PIGU: variants seen among roughly 807,000 people sequenced by gnomAD.
The protein encoded by PIGU is GPI-anchor transamidase component PIGU.
Under a neutral mutation model 49.9 loss-of-function variants are expected in PIGU, and 24 were observed. That is an observed-to-expected ratio of 0.48 (90% CI 0.35 to 0.68). The LOEUF is 0.68. Among genes scored for constraint, PIGU ranks in the 30% least tolerant of loss-of-function variants. The pLI is 0.01. For missense variants in PIGU, 490 were observed against 532.6 expected (o/e 0.92, Z 0.79); for synonymous variants, 220 against 205.7 (o/e 1.07, Z -0.59).
chr20:34,634,859 A>C (rs1217363253), intron 5 of PIGU, 144 bp from the exon 6 acceptor site: 1 of 1,382,660 alleles, frequency 7.2e-7, no homozygotes, highest in African/African-American at 1.5e-5. Flanking sequence ...AATAAAAGAG[A>C]ATAGAGTGGG....
chr20:34,624,058 C>T (rs1568644963), intron 6 of PIGU, among the ~76,000 whole-genome samples: 1 of 152,118 alleles, frequency 6.6e-6, no homozygotes, highest in South Asian at 2.1e-4. Context: ...TATAAGGATG[C>T]TAACAATCAT....
intron 6 of PIGU, among the ~76,000 whole-genome samples, chr20:34,625,300 A>G (rs1471821349): frequency 2.0e-5 from 3 of 149,654 alleles, no homozygotes; most frequent in Non-Finnish European, 4.4e-5. Context: ...CCCGGGAGGC[A>G]GAGGTTGTGG....
chr20:34,666,815 GCC>G (rs1370444805), intron 1 of PIGU, among the ~76,000 whole-genome samples: 1 of 148,418 alleles, frequency 6.7e-6, no homozygotes, highest in African/African-American at 2.5e-5. Context: ...TCCTGCCTCA[GCC>G]TCCCGAGTAG....
intron 8 of PIGU, among the ~76,000 whole-genome samples, chr20:34,587,485 T>C (rs1408054622): frequency 6.6e-6 from 1 of 152,218 alleles, no homozygotes; most frequent in Non-Finnish European, 1.5e-5. Flanking sequence ...TATTAAACAT[T>C]GTTTGTGGTG....
At chr20:34,584,704 T>C (rs1338841929) in intron 9 of PIGU, among the ~76,000 whole-genome samples, 1 of 151,816 alleles carries the variant, frequency 6.6e-6, no homozygotes, top group Non-Finnish European at 1.5e-5. Context: ...GTTGTTTTTG[T>C]TGAGATGGAG....
chr20:34,565,375 C>T (rs750985866), intron 11 of PIGU, among the ~76,000 whole-genome samples: 12 of 152,128 alleles, frequency 7.9e-5, no homozygotes, highest in Admixed American at 7.2e-4. Context: ...CCTCAGCCTC[C>T]CGAGAAAGCT....
chr20:34,616,009 T>C lies in PIGU; in HGVS notation c.627+33A>G, dbSNP rs115057437. ...GACCAGGCCATGTATTAAATGTCAC[T>C]TGGGTGCTGGCTTCTGACCAGCAAG... On this transcript the variant is annotated intron_variant, in intron 7 of 11. Coordinates refer to ENST00000217446, the MANE Select transcript of PIGU (RefSeq NM_080476.5). The C allele has an allele frequency of 1.3e-3, 2,120 of 1,583,680 alleles. 22 individuals are homozygous for C. The African/African-American group carries it at 0.025, about 19-fold the overall frequency.
At chr20:34,659,423 G>A (rs1986856396) in intron 1 of PIGU, among the ~76,000 whole-genome samples, 1 of 149,152 alleles carries the variant, frequency 6.7e-6, no homozygotes, top group Non-Finnish European at 1.5e-5. Flanking sequence ...GTCCGGGAGG[G>A]AGGTGGGGGG....
At chr20:34,565,958 CAT>C (rs1232284050) in intron 11 of PIGU, among the ~76,000 whole-genome samples, 3 of 151,986 alleles carry the variant, frequency 2.0e-5, no homozygotes, top group Middle Eastern at 3.4e-3. Context: ...CACAGGTACA[CAT>C]ACACGCACAC....
intron 4 of PIGU, chr20:34,643,783 G>A (rs191935689): frequency 9.4e-4 from 107 of 114,110 alleles, no homozygotes; most frequent in Admixed American, 1.4e-3. Flanking sequence ...CTTAAAAGCT[G>A]TATTTATCTT....
intron 1 of PIGU, among the ~76,000 whole-genome samples, chr20:34,664,134 C>T (rs1409751295): frequency 6.6e-6 from 1 of 152,162 alleles, no homozygotes; most frequent in African/African-American, 2.4e-5. Flanking sequence ...AAGGGTCAGA[C>T]TATGTAAAAC....
At chr20:34,642,741 AG>A (rs1351777944) in intron 4 of PIGU, among the ~76,000 whole-genome samples, 1 of 123,570 alleles carries the variant, frequency 8.1e-6, no homozygotes, top group Non-Finnish European at 1.7e-5. Flanking sequence ...TTTTTTCCCT[AG>A]TCTTTTTTTT....
chr20:34,658,338 C>T (rs1054911410), intron 1 of PIGU, among the ~76,000 whole-genome samples: 10 of 152,184 alleles, frequency 6.6e-5, no homozygotes, highest in African/African-American at 1.4e-4. Flanking sequence ...GATCTCGGCT[C>T]GCTACAACCT....
chr20:34,584,320 C>T (rs909189499), intron 9 of PIGU, among the ~76,000 whole-genome samples: 1 of 152,238 alleles, frequency 6.6e-6, no homozygotes, highest in African/African-American at 2.4e-5. Context: ...CTCTCTTAGA[C>T]TGCAGAAGAG....
At chr20:34,642,149 C>T (rs1486557525) in intron 4 of PIGU, among the ~76,000 whole-genome samples, 2 of 152,204 alleles carry the variant, frequency 1.3e-5, no homozygotes, top group East Asian at 1.9e-4. Context: ...TGAAGCCTGA[C>T]TTTGTTAGGC....
intron 5 of PIGU, among the ~76,000 whole-genome samples, chr20:34,635,729 G>A (rs749171224): frequency 2.6e-4 from 40 of 151,726 alleles, no homozygotes; most frequent in Non-Finnish European, 5.3e-4. Flanking sequence ...TACAAAATTG[G>A]CCAGGCGTGG....
At chr20:34,659,611 G>A (rs541971935) in intron 1 of PIGU, among the ~76,000 whole-genome samples, 2 of 152,216 alleles carry the variant, frequency 1.3e-5, no homozygotes, top group African/African-American at 4.8e-5. Context: ...GAATAGAAAG[G>A]GGGGAAAGGT....
intron 1 of PIGU, among the ~76,000 whole-genome samples, chr20:34,664,664 G>A (rs1231038849): frequency 4.1e-5 from 6 of 147,464 alleles, no homozygotes; most frequent in East Asian, 2.0e-4. Flanking sequence ...GTAAAACTCC[G>A]TCTCAAAGCA....
intron 7 of PIGU, among the ~76,000 whole-genome samples, chr20:34,601,987 A>AAATG (rs1313972707): frequency 6.6e-6 from 1 of 152,222 alleles, no homozygotes; most frequent in African/African-American, 2.4e-5. Flanking sequence ...CGTGTATGTA[A>AAATG]AATGTATGTA....
Sources: allele counts gnomAD v4.1 joint callset (sites outside exome capture counted in the v4.1 genomes callset), GRCh38; gene constraint gnomAD v4.1.1; transcripts MANE v1.5; gene names NCBI Gene and HGNC (gene_info 2026-07-23, HGNC 2026-07-21).